Variants in ASB3 observed in about 807,000 individuals in gnomAD.
The protein encoded by ASB3 is ankyrin repeat and SOCS box protein 3.
A neutral mutation model predicts 54.5 loss-of-function variants in ASB3; 41 were observed. That is an observed-to-expected ratio of 0.75 (90% CI 0.59 to 0.98). The LOEUF (loss-of-function observed/expected upper bound fraction) is 0.98. Ranked by LOEUF, ASB3 falls within the 50% of genes least tolerant of loss-of-function variation. ASB3 has a pLI of 0.00. For missense variants in ASB3, 733 were observed against 620.0 expected (o/e 1.18, Z -1.94); for synonymous variants, 266 against 221.2 (o/e 1.20, Z -1.80).
At chr2:53,771,378 T>TG (rs1407103256) in intron 1 of ASB3, among the ~76,000 whole-genome samples, 1 of 152,132 alleles carries the variant, frequency 6.6e-6, no homozygotes, top group South Asian at 2.1e-4. Context: ...CTGGGTGTCT[T>TG]GGCGGGCACC....
At chr2:53,742,416 T>C (rs1671981913) in intron 3 of ASB3, among the ~76,000 whole-genome samples, 1 of 152,044 alleles carries the variant, frequency 6.6e-6, no homozygotes, top group Non-Finnish European at 1.5e-5. Context: ...AGAAAAGTTA[T>C]AGAAAAACAA....
intron 5 of ASB3, among the ~76,000 whole-genome samples, chr2:53,722,549 C>T (rs1207446656): frequency 6.6e-6 from 1 of 152,060 alleles, no homozygotes. Context: ...TGGGATTCAC[C>T]ACGTAAAGAA....
intron 9 of ASB3, among the ~76,000 whole-genome samples, chr2:53,675,008 C>G (rs535338942): frequency 6.6e-6 from 1 of 152,126 alleles, no homozygotes; most frequent in Non-Finnish European, 1.5e-5. Flanking sequence ...TGAGGTGCCA[C>G]TATTAACTAG....
At chr2:53,703,007 G>T (rs949920937) in intron 7 of ASB3, among the ~76,000 whole-genome samples, 2 of 152,176 alleles carry the variant, frequency 1.3e-5, no homozygotes, top group African/African-American at 4.8e-5. Context: ...GGCTAGAATG[G>T]ACACAATTAA....
chr2:53,723,579 A>AC (rs1169566569), intron 5 of ASB3, among the ~76,000 whole-genome samples: 1 of 152,206 alleles, frequency 6.6e-6, no homozygotes, highest in Non-Finnish European at 1.5e-5. Flanking sequence ...ATTAGAAAAA[A>AC]AATTTCTTAA....
chr2:53,734,354 C>T (rs1392282699), intron 3 of ASB3, among the ~76,000 whole-genome samples: 1 of 152,146 alleles, frequency 6.6e-6, no homozygotes, highest in Non-Finnish European at 1.5e-5. Flanking sequence ...ATAAAACAAA[C>T]AAACAAAATA....
At chr2:53,772,112 GAA>G (rs1673963319) in intron 1 of ASB3, among the ~76,000 whole-genome samples, 1 of 152,080 alleles carries the variant, frequency 6.6e-6, no homozygotes, top group Non-Finnish European at 1.5e-5. Context: ...AGGCCAATAA[GAA>G]AAGTTAGAAT....
chr2:53,740,703 G>A (rs906263501), intron 3 of ASB3, among the ~76,000 whole-genome samples: 5 of 152,112 alleles, frequency 3.3e-5, no homozygotes, highest in African/African-American at 4.8e-5. Flanking sequence ...TAACAAAAAC[G>A]TTGTGGCGAA....
At chr2:53,682,917 G>A (rs1668452191) in intron 9 of ASB3, among the ~76,000 whole-genome samples, 1 of 152,174 alleles carries the variant, frequency 6.6e-6, no homozygotes, top group Non-Finnish European at 1.5e-5. Context: ...CATATCATCT[G>A]CAAACAAGGA....
At chr2:53,731,108 T>TA (rs886397873) in intron 3 of ASB3, among the ~76,000 whole-genome samples, 1 of 152,106 alleles carries the variant, frequency 6.6e-6, no homozygotes, top group African/African-American at 2.4e-5. Context: ...AGTTCTTTAA[T>TA]AAAAAATTCT....
At chr2:53,774,456 G>A in intron 1 of ASB3, 1 of 1,594,934 alleles carries the variant, frequency 6.3e-7, no homozygotes, top group Non-Finnish European at 8.5e-7. Context: ...AAGCAGATGA[G>A]CATCTTTTCG....
intron 6 of ASB3, among the ~76,000 whole-genome samples, chr2:53,715,843 T>C (rs115208250): frequency 0.11 from 16,328 of 152,146 alleles, 1,081 homozygotes; most frequent in Non-Finnish European, 0.15. Flanking sequence ...AAGTAATGAA[T>C]ATTTTACTAT....
chr2:53,722,782 G>A (rs1482543881), intron 5 of ASB3, among the ~76,000 whole-genome samples: 1 of 152,126 alleles, frequency 6.6e-6, no homozygotes, highest in Non-Finnish European at 1.5e-5. Context: ...AATGGAAGAA[G>A]ACAAGGATAC....
rs570372180 is a variant in ASB3, at chr2:53,695,671, T to C, written c.1239-1657A>G. On this transcript the variant is annotated intron_variant, in intron 8 of 9. Transcript: ENST00000263634. ...CACTGATAATGCCACTAAAAATGTA[T>C]TGTTACTTTACTACAGAGACCATTA... 4.7e-4 allele frequency among the ~76,000 whole-genome samples: 72 copies of C among 152,264 alleles called. 3 individuals carry two copies. In the South Asian group the frequency reaches 0.014, roughly 30 times the overall value.
intron 9 of ASB3, among the ~76,000 whole-genome samples, chr2:53,675,445 T>C (rs1323213396): frequency 6.6e-6 from 1 of 152,198 alleles, no homozygotes; most frequent in East Asian, 1.9e-4. Context: ...AACAAGGTGA[T>C]TGACTAGGCT....
chr2:53,707,820 G>T (rs1669870155), intron 7 of ASB3, among the ~76,000 whole-genome samples: 2 of 151,498 alleles, frequency 1.3e-5, no homozygotes, highest in Admixed American at 1.3e-4. Context: ...AAATTAGCCG[G>T]GTATGGTGTC....
intron 9 of ASB3, among the ~76,000 whole-genome samples, chr2:53,675,876 T>G (rs186928428): frequency 8.6e-4 from 131 of 152,320 alleles, no homozygotes; most frequent in Non-Finnish European, 1.7e-3. Context: ...AAAAGTTTCT[T>G]TCATTGCTTG....
intron 3 of ASB3, among the ~76,000 whole-genome samples, chr2:53,739,550 G>C (rs1671820427): frequency 6.6e-6 from 1 of 152,166 alleles, no homozygotes; most frequent in African/African-American, 2.4e-5. Flanking sequence ...ATGTGACTAT[G>C]AGTTCTAGGG....
chr2:53,671,933 G>C (rs981462698), intron 9 of ASB3, among the ~76,000 whole-genome samples: 2 of 152,174 alleles, frequency 1.3e-5, no homozygotes, highest in African/African-American at 2.4e-5. Flanking sequence ...ACCAGGATCA[G>C]AGCATCAAAG....
Sources: allele counts gnomAD v4.1 joint callset (sites outside exome capture counted in the v4.1 genomes callset), GRCh38; gene constraint gnomAD v4.1.1; transcripts MANE v1.5; gene names NCBI Gene and HGNC (gene_info 2026-07-23, HGNC 2026-07-21).